The following PRKCA variants were observed in gnomAD, a reference collection of about 807,000 sequenced individuals.
PRKCA encodes the protein protein kinase C alpha, also known as protein kinase C alpha type.
A neutral mutation model predicts 87.0 loss-of-function variants in PRKCA; 27 were observed. That is an observed-to-expected ratio of 0.31 (90% CI 0.23 to 0.43). The LOEUF (loss-of-function observed/expected upper bound fraction) is 0.43, where lower values mean the gene tolerates loss of function less well. Ranked by LOEUF, PRKCA falls within the 20% of genes least tolerant of loss-of-function variation. The pLI, the probability that PRKCA is intolerant of heterozygous loss-of-function variation, is 1.00. For synonymous variants in PRKCA, 329 were observed against 311.1 expected (o/e 1.06, Z -0.61); for missense variants, 518 against 852.3 (o/e 0.61, Z 4.88).
chr17:66,660,968 G>A (rs1158244318), intron 5 of PRKCA, among the ~76,000 whole-genome samples: 2 of 152,074 alleles, frequency 1.3e-5, no homozygotes, highest in Admixed American at 1.3e-4. Context: ...AGGTAGAAGG[G>A]GGAATTAGCA....
intron 3 of PRKCA, among the ~76,000 whole-genome samples, chr17:66,637,582 C>A (rs1971179308): frequency 6.6e-6 from 1 of 152,162 alleles, no homozygotes; most frequent in South Asian, 2.1e-4. Flanking sequence ...GTTGATGTCT[C>A]ACACCCTGAG....
At chr17:66,636,185 CAGTG>C in intron 3 of PRKCA, among the ~76,000 whole-genome samples, 1 of 152,288 alleles carries the variant, frequency 6.6e-6, no homozygotes. Context: ...GATAGAAACA[CAGTG>C]AGCCTGGGGA....
intron 13 of PRKCA, among the ~76,000 whole-genome samples, chr17:66,767,591 C>A (rs1203140481): frequency 6.6e-6 from 1 of 152,156 alleles, no homozygotes; most frequent in Non-Finnish European, 1.5e-5. Context: ...CCACAGCAAT[C>A]CCTGAAATCT....
chr17:66,452,098 G>A (rs1042594078), intron 2 of PRKCA, among the ~76,000 whole-genome samples: 2 of 152,204 alleles, frequency 1.3e-5, no homozygotes, highest in African/African-American at 4.8e-5. Flanking sequence ...GCAGCAGGGT[G>A]CGTCCAAGCT....
At chr17:66,706,889 A>G (rs530502403) in intron 8 of PRKCA, among the ~76,000 whole-genome samples, 4 of 152,266 alleles carry the variant, frequency 2.6e-5, no homozygotes, top group African/African-American at 9.6e-5. Flanking sequence ...TTTACATAAA[A>G]AGTTTGTGAC....
intron 3 of PRKCA, among the ~76,000 whole-genome samples, chr17:66,528,266 T>C (rs1967416069): frequency 6.7e-6 from 1 of 149,570 alleles, no homozygotes; most frequent in Admixed American, 6.7e-5. Context: ...GCTGCAGGTA[T>C]GTGATTGTAA....
intron 5 of PRKCA, among the ~76,000 whole-genome samples, chr17:66,659,238 A>T (rs1971823336): frequency 6.6e-6 from 1 of 152,168 alleles, no homozygotes; most frequent in African/African-American, 2.4e-5. Context: ...CTGCAAATGG[A>T]TGAGGCCTGA....
In PRKCA at chr17:66,566,479, G is replaced by GTTTTTTTTTTTTTTTTTTTTTTTTTTT. The variant is rs368602635; in HGVS notation, c.288+70196_288+70197insTTTTTTTTTTTTTTTTTTTTTTTTTTT. On this transcript the variant is annotated intron_variant, in intron 3 of 16. Transcript: ENST00000413366. ...TTGTGAAGAACTGTTGTTGTTTTTT[G>GTTTTTTTTTTTTTTTTTTTTTTTTTTT]GTTTTTTTTTTTTTTTTTTTTTTGC... Among the ~76,000 whole-genome samples, 2 of 74,704 alleles carry GTTTTTTTTTTTTTTTTTTTTTTTTTTT rather than the reference G, an allele frequency of 2.7e-5. 1 individual carries two copies. 49.0% of individuals were successfully genotyped at this position (74,704 alleles called of 152,430 possible). A position where few individuals can be genotyped will look rare whatever the true frequency, so the allele number is the denominator to read the frequency against.
chr17:66,671,042 T>C (rs1445171253), intron 5 of PRKCA, among the ~76,000 whole-genome samples: 1 of 150,406 alleles, frequency 6.6e-6, no homozygotes, highest in Non-Finnish European at 1.5e-5. Flanking sequence ...AAACCCCATC[T>C]CTACTAAAAA....
At chr17:66,431,758 T>G (rs1913109861) in intron 2 of PRKCA, among the ~76,000 whole-genome samples, 1 of 152,200 alleles carries the variant, frequency 6.6e-6, no homozygotes, top group African/African-American at 2.4e-5. Flanking sequence ...GACACATTAG[T>G]AGTTCAACCC....
chr17:66,764,257 A>G (rs2144306183), intron 13 of PRKCA, among the ~76,000 whole-genome samples: 1 of 152,342 alleles, frequency 6.6e-6, no homozygotes, highest in Admixed American at 6.5e-5. Flanking sequence ...CAATATTGCC[A>G]GTGGCATCTA....
chr17:66,575,505 G>A (rs146340280), intron 3 of PRKCA, among the ~76,000 whole-genome samples: 2,345 of 152,242 alleles, frequency 0.015, 70 homozygotes, highest in African/African-American at 0.053. Flanking sequence ...ACTTGAACCC[G>A]GGAGGCGGAG....
At position 66,368,702 on chromosome 17, in the gene PRKCA, C is replaced by T. The variant is rs371653110; in HGVS notation, c.205+62575C>T. On this transcript the variant is annotated intron_variant, in intron 2 of 16. Coordinates refer to ENST00000413366, the MANE Select transcript of PRKCA (RefSeq NM_002737.3). ...CCACCATGCCTGGTCTCTTAGCCTG[C>T]ATATTTCATGTTTCTCGTTCATAAT... is the stretch of plus-strand genomic sequence containing the variant. Among the ~76,000 whole-genome samples, 14 of 152,104 alleles carry T rather than the reference C, an allele frequency of 9.2e-5. No homozygotes were observed. In the East Asian group the frequency reaches 1.9e-3, roughly 21 times the overall value.
intron 14 of PRKCA, among the ~76,000 whole-genome samples, chr17:66,784,955 G>T (rs1362702517): frequency 6.6e-6 from 1 of 152,196 alleles, no homozygotes; most frequent in Non-Finnish European, 1.5e-5. Context: ...GCCCTGTTCT[G>T]AGTCCCTCAC....
chr17:66,719,520 C>T lies in PRKCA; in HGVS notation c.919-13168C>T, dbSNP rs996322564. On this transcript the variant is annotated intron_variant, in intron 8 of 16. Coordinates refer to ENST00000413366, the MANE Select transcript of PRKCA (RefSeq NM_002737.3). ...CCGTGGTGGCTCACATCTGCAATCC[C>T]AGCACTTTGGCCGAGGTGGGTGGAT... Among the ~76,000 whole-genome samples the T allele has an allele frequency of 2.0e-5, 3 of 152,310 alleles. No individual in the cohort carries two copies. In the South Asian group the frequency reaches 6.2e-4, roughly 32 times the overall value.
rs188154275 is a variant in PRKCA, at chr17:66,408,904, T to G, written c.206-87297T>G. ...CTGTCTCTACTAAAAATACAAAAAT[T>G]AGCCGGGCGTGGTGGTGTGCGCCTG... On this transcript the variant is annotated intron_variant, in intron 2 of 16. Transcript: ENST00000413366. 4.0e-4 allele frequency among the ~76,000 whole-genome samples: 60 copies of G among 151,588 alleles called. No homozygotes were observed. The East Asian group carries it at 0.011, about 27-fold the overall frequency.
At chr17:66,627,684 C>CG (rs1970893693) in intron 3 of PRKCA, among the ~76,000 whole-genome samples, 1 of 152,162 alleles carries the variant, frequency 6.6e-6, no homozygotes, top group African/African-American at 2.4e-5. Flanking sequence ...AACTAAGTGC[C>CG]AAAGAGGCCA....
At chr17:66,365,570 A>G (rs1472167572) in intron 2 of PRKCA, among the ~76,000 whole-genome samples, 1 of 152,110 alleles carries the variant, frequency 6.6e-6, no homozygotes, top group Non-Finnish European at 1.5e-5. Context: ...ATAGGCAGCT[A>G]TATTTACTTC....
At chr17:66,595,355 G>A (rs1177423206) in intron 3 of PRKCA, among the ~76,000 whole-genome samples, 2 of 151,440 alleles carry the variant, frequency 1.3e-5, no homozygotes, top group African/African-American at 2.4e-5. Context: ...TCTTTCGCAA[G>A]TACATCAGTC....
Sources: gnomAD v4.1 joint callset for allele counts (sites outside exome capture counted in the v4.1 genomes callset) on GRCh38, gnomAD v4.1.1 for gene constraint, MANE v1.5 for transcripts, NCBI Gene and HGNC (gene_info 2026-07-23, HGNC 2026-07-21) for gene names.